Variants in CDKL1 observed in about 807,000 individuals in gnomAD.
CDKL1 encodes cyclin-dependent kinase-like 1.
In CDKL1, 41 loss-of-function variants were observed where a neutral mutation model predicts 42.0. That is an observed-to-expected ratio of 0.98 (90% CI 0.76 to 1.27). The LOEUF (loss-of-function observed/expected upper bound fraction) is 1.27. Among genes scored for constraint, CDKL1 ranks in the 50% most tolerant of loss-of-function variants. The pLI, the probability that CDKL1 is intolerant of heterozygous loss-of-function variation, is 0.00. For synonymous variants in CDKL1, 153 were observed against 158.6 expected (o/e 0.96, Z 0.26); for missense variants, 394 against 428.4 (o/e 0.92, Z 0.71).
chr14:50,338,921 A>C, intron 7 of CDKL1, 26 bp downstream of exon 7: 1 of 1,441,796 alleles, frequency 6.9e-7, no homozygotes, highest in Non-Finnish European at 9.8e-7. Flanking sequence ...TGGCCTACAG[A>C]GCTCTCTCCA....
chr14:50,367,242 G>A (rs2034459464), intron 2 of CDKL1, among the ~76,000 whole-genome samples: 1 of 152,240 alleles, frequency 6.6e-6, no homozygotes, highest in African/African-American at 2.4e-5. Context: ...TGGAAACAGA[G>A]GGCTGAGAGA....
chr14:50,341,009 G>C (rs1316907648), intron 6 of CDKL1, 23 bp downstream of exon 6: 2 of 1,607,386 alleles, frequency 1.2e-6, no homozygotes, highest in Non-Finnish European at 1.7e-6. Context: ...TTTTCCAAAA[G>C]GTGGGACAAA....
chr14:50,385,008 T>G (rs1210219164), intron 2 of CDKL1, among the ~76,000 whole-genome samples: 1 of 139,376 alleles, frequency 7.2e-6, no homozygotes, highest in East Asian at 2.1e-4. Context: ...GAGGTGGAGG[T>G]TGCAGTGAGC....
intron 9 of CDKL1, chr14:50,331,667 A>C (rs933810602): frequency 9.0e-6 from 2 of 223,250 alleles, no homozygotes. Flanking sequence ...TTCATTCTAA[A>C]TTATTACAGC....
At position 50,327,384 on chromosome 14, in the gene CDKL1, C is replaced by G. The variant is rs1280914743; in HGVS notation, c.*2690G>C. The G allele has an allele frequency of 6.7e-6, 1 of 149,728 alleles. No homozygotes were observed. 9.3% of individuals were successfully genotyped at this position (149,728 alleles called of 1,614,324 possible). A position where few individuals can be genotyped will look rare whatever the true frequency, so the allele number is the denominator to read the frequency against. On this transcript the variant is annotated 3_prime_UTR_variant, in exon 10 of 10. Coordinates refer to ENST00000395834, the MANE Select transcript of CDKL1 (RefSeq NM_004196.7). The stretch of plus-strand genomic sequence containing the variant: ...TAGATAAAACAGGTCTTCATTGTTA[C>G]CTGTGAGAAATGGCCCTGATTCTAT...
At chr14:50,387,784 C>A (rs556321267) in intron 2 of CDKL1, among the ~76,000 whole-genome samples, 1 of 152,294 alleles carries the variant, frequency 6.6e-6, no homozygotes, top group South Asian at 2.1e-4. Flanking sequence ...ATTAATTCAC[C>A]TCAACAAGCC....
chr14:50,359,216 C>T, intron 2 of CDKL1, 67 bp from the exon 3 acceptor site: 1 of 1,527,148 alleles, frequency 6.5e-7, no homozygotes, highest in South Asian at 1.2e-5. Context: ...AATCTTGATC[C>T]AATAAAAAGT....
chr14:50,358,636 C>CTT lies in CDKL1; in HGVS notation c.290+390_290+391dup, dbSNP rs71118873. On this transcript the variant is annotated intron_variant, in intron 3 of 9. Transcript: ENST00000395834. Reference sequence around the variant, plus strand: ...CAAACACTGGCTGTTTTTAACTAGTCTTTTTTTTTTTTTTTTTTTTTGAGA... The same window carrying CTT: ...CAAACACTGGCTGTTTTTAACTAGTCTTTTTTTTTTTTTTTTTTTTTTTGAGA... Among the ~76,000 whole-genome samples the CTT allele has an allele frequency of 1.7e-3, 114 of 67,638 alleles. 1 individual carries two copies. The highest frequency in any genetic ancestry group is 7.5e-3 in the South Asian group (14 of 1,858). 44.4% of individuals were successfully genotyped at this position (67,638 alleles called of 152,430 possible).
rs1467737488 is a variant in CDKL1 at position 50,328,320 on chromosome 14, A to T, written c.*1754T>A. ...GGAATTGAATAATTCAGGGACTAGC[A>T]TTTAACCCATATCAGGTCTAGGCAA... On this transcript the variant is annotated 3_prime_UTR_variant, in exon 10 of 10. Coordinates refer to ENST00000395834, the MANE Select transcript of CDKL1 (RefSeq NM_004196.7). 2 of 152,202 alleles carry T rather than the reference A, an allele frequency of 1.3e-5. No individual in the cohort carries two copies. Among genetic ancestry groups the T allele is most frequent in the African/African-American group, 4.8e-5 (2 of 41,448 alleles). The allele number at this position is 152,202 out of a possible 1,614,324, so 9.4% of individuals were successfully genotyped here. A position where few individuals can be genotyped will look rare whatever the true frequency, so the allele number is the denominator to read the frequency against.
At chr14:50,349,075 G>C (rs1392158609) in intron 3 of CDKL1, among the ~76,000 whole-genome samples, 1 of 152,154 alleles carries the variant, frequency 6.6e-6, no homozygotes, top group African/African-American at 2.4e-5. Context: ...TGAAAATCAA[G>C]ACACACTCAT....
intron 2 of CDKL1, among the ~76,000 whole-genome samples, chr14:50,379,518 A>G (rs1039764914): frequency 2.6e-5 from 4 of 152,334 alleles, no homozygotes; most frequent in Admixed American, 2.0e-4. Context: ...ATAAGATTCC[A>G]GAGTGGCAGA....
At chr14:50,338,217 T>TTTTA (rs1319079929) in intron 7 of CDKL1, among the ~76,000 whole-genome samples, 9 of 152,046 alleles carry the variant, frequency 5.9e-5, no homozygotes, top group East Asian at 1.9e-4. Context: ...CTAAGGAAGT[T>TTTTA]TTTATTTATT....
chr14:50,332,425 A>G lies in CDKL1; in HGVS notation c.803T>C (p.Leu268Pro). The G allele has an allele frequency of 1.2e-6, 2 of 1,607,866 alleles. No homozygotes were observed. Among genetic ancestry groups the G allele is most frequent in the Non-Finnish European group, 1.7e-6 (2 of 1,178,252 alleles). ...YPALGLLKGC[L>P]HMDPTQRLTC... ...CAGCCTTTGAGTAGGGTCCATGTGG[A>G]GACAGCCCTAAAAGAACAGAAAATT... The change falls in exon 9 of 10, where the codon CTC becomes CCC. Residue 268 changes from leucine to proline, a missense_variant. By Grantham distance (98) the Leu-to-Pro change is moderately conservative. Transcript: ENST00000395834.
rs149590042 is a variant in CDKL1, at chr14:50,366,681, C to T, written c.169-7532G>A. Among the ~76,000 whole-genome samples, 18 of 152,180 alleles carry T rather than the reference C, an allele frequency of 1.2e-4. No individual in the cohort carries two copies. In the East Asian group the frequency reaches 3.5e-3, roughly 29 times the overall value. On this transcript the variant is annotated intron_variant, in intron 2 of 9. Coordinates refer to ENST00000395834, the MANE Select transcript of CDKL1 (RefSeq NM_004196.7). ...TGGAGCAGAGCAGAGGCAGGGTAGT[C>T]GGTGAGAAGCATTGTCTTGAGATGT...
intron 2 of CDKL1, among the ~76,000 whole-genome samples, chr14:50,378,703 A>T (rs1355828803): frequency 2.0e-5 from 3 of 151,920 alleles, no homozygotes; most frequent in Non-Finnish European, 4.4e-5. Flanking sequence ...CTGGATAATT[A>T]AAAAAATTTT....
intron 3 of CDKL1, among the ~76,000 whole-genome samples, chr14:50,348,194 C>T (rs2033789243): frequency 6.6e-6 from 1 of 152,166 alleles, no homozygotes; most frequent in Non-Finnish European, 1.5e-5. Flanking sequence ...AGGTGGAGAA[C>T]CAACCAATTC....
intron 8 of CDKL1, chr14:50,332,900 CTACTT>C (rs1173607659): frequency 1.9e-5 from 7 of 367,246 alleles, no homozygotes; most frequent in Admixed American, 4.9e-5. Context: ...CTAAAATCAG[CTACTT>C]TTTTTTTTTT....
At position 50,343,976 on chromosome 14, in the gene CDKL1, A is replaced by C. The variant is rs1406012363; in HGVS notation, c.363+1010T>G. 3.3e-5 allele frequency among the ~76,000 whole-genome samples: 5 copies of C among 152,190 alleles called. No individual in the cohort carries two copies. In the East Asian group the frequency reaches 9.6e-4, roughly 29 times the overall value. On this transcript the variant is annotated intron_variant, in intron 4 of 9. Transcript: ENST00000395834. ...CATTTGGAACAATATAAAGAAGGAGATTTAGCCCTACCACCTAAATTGACC... is the reference window on the plus strand; with the variant it reads ...CATTTGGAACAATATAAAGAAGGAGCTTTAGCCCTACCACCTAAATTGACC...
intron 2 of CDKL1, among the ~76,000 whole-genome samples, chr14:50,370,677 T>C (rs1281991434): frequency 2.0e-5 from 3 of 152,194 alleles, no homozygotes; most frequent in Non-Finnish European, 4.4e-5. Flanking sequence ...CTGCTTAGCT[T>C]CTAGGGAGGC....
Sources: gnomAD v4.1 joint callset for allele counts (sites outside exome capture counted in the v4.1 genomes callset) on GRCh38, gnomAD v4.1.1 for gene constraint, MANE v1.5 for transcripts, NCBI Gene and HGNC (gene_info 2026-07-23, HGNC 2026-07-21) for gene names.